The following RIMBP2 variants were observed in gnomAD, a reference collection of about 807,000 sequenced individuals.
The protein encoded by RIMBP2 is RIMS-binding protein 2.
RIMBP2 carries 48 observed loss-of-function variants against 118.6 expected under a neutral mutation model. The ratio of observed to expected loss-of-function variants is 0.40; its 90% CI spans 0.32 to 0.51. The LOEUF (loss-of-function observed/expected upper bound fraction) is 0.51. Ranked by LOEUF, RIMBP2 falls within the 20% of genes least tolerant of loss-of-function variation. The pLI is 0.41. For missense variants in RIMBP2, 1,551 were observed against 1,768.3 expected (o/e 0.88, Z 2.20); for synonymous variants, 762 against 742.9 (o/e 1.03, Z -0.42).
At chr12:130,642,610 A>C (rs1473041449) in intron 1 of RIMBP2, among the ~76,000 whole-genome samples, 5 of 152,222 alleles carry the variant, frequency 3.3e-5, no homozygotes, top group Non-Finnish European at 5.9e-5. Flanking sequence ...AAGTCAGACT[A>C]TCCGACTAGG....
chr12:130,678,351 C>T (rs1196624587), intron 1 of RIMBP2, among the ~76,000 whole-genome samples: 2 of 152,202 alleles, frequency 1.3e-5, no homozygotes, highest in African/African-American at 2.4e-5. Context: ...CTGAAGCATC[C>T]GTCAGCGGAT....
chr12:130,498,633 C>A (rs373160840), intron 4 of RIMBP2, among the ~76,000 whole-genome samples: 276 of 115,556 alleles, frequency 2.4e-3, no homozygotes, highest in Middle Eastern at 0.017. Flanking sequence ...AAACAGCATT[C>A]AAAAAAAAAA....
chr12:130,480,679 C>CA (rs1380713261), intron 4 of RIMBP2, among the ~76,000 whole-genome samples: 3 of 151,932 alleles, frequency 2.0e-5, no homozygotes, highest in Non-Finnish European at 2.9e-5. Context: ...TGGCTCACTG[C>CA]AGCCTCCACC....
Position 130,442,727 on chromosome 12 carries a change from C to T in RIMBP2, c.692-67G>A, listed in dbSNP as rs1031919876. 2.1e-5 allele frequency: 28 copies of T among 1,316,014 alleles called. No individual in the cohort carries two copies. Among genetic ancestry groups the T allele is most frequent in the Non-Finnish European group, 2.7e-5 (26 of 945,550 alleles). The allele number at this position is 1,316,014 out of a possible 1,614,324, so 81.5% of individuals were successfully genotyped here. A position where few individuals can be genotyped will look rare whatever the true frequency, so the allele number is the denominator to read the frequency against. On this transcript the variant is annotated intron_variant, in intron 10 of 22. Coordinates refer to ENST00000690449, the MANE Select transcript of RIMBP2 (RefSeq NM_001393629.1). The surrounding 1 kb of genome is among the most constrained non-coding windows in gnomAD (Gnocchi z 6.9). ...CAGGGGCCTCGAGGCCCCCAGTGTA[C>T]TCCCACCTCCCCCACCAGGACCATA...
At position 130,552,395 on chromosome 12, in the gene RIMBP2, A is replaced by T. The variant is rs764282124; in HGVS notation, c.-216-34478T>A. On this transcript the variant is annotated intron_variant, in intron 2 of 22. Coordinates refer to ENST00000690449, the MANE Select transcript of RIMBP2 (RefSeq NM_001393629.1). ...GTAAATAAATTTATAAAAGAAAATT[A>T]GTGCATTAATATCTTTTTCAAGACA... Among the ~76,000 whole-genome samples the T allele has an allele frequency of 7.2e-5, 11 of 152,270 alleles. No homozygotes were observed. The East Asian group carries it at 1.3e-3, about 19-fold the overall frequency.
chr12:130,462,471 A>C (rs1390334801), intron 6 of RIMBP2, among the ~76,000 whole-genome samples: 1 of 152,168 alleles, frequency 6.6e-6, no homozygotes, highest in Non-Finnish European at 1.5e-5. Context: ...GACCATAAGC[A>C]TAAGGGATGG....
rs573978678 is a variant in RIMBP2 at position 130,413,992 on chromosome 12, T to G, written c.3420+133A>C. ...CTTGCCGTCACAGCACCATGCCACC[T>G]CCTCCCGTGCCTCGCCCATGGCCTG... On this transcript the variant is annotated intron_variant, in intron 18 of 22. Transcript: ENST00000690449. 1.6e-4 allele frequency: 155 copies of G among 947,022 alleles called. No individual in the cohort carries two copies. In the African/African-American group the frequency reaches 2.4e-3, roughly 15 times the overall value. 58.7% of individuals were successfully genotyped at this position (947,022 alleles called of 1,614,324 possible). A position where few individuals can be genotyped will look rare whatever the true frequency, so the allele number is the denominator to read the frequency against.
chr12:130,546,933 G>A (rs1393767927), intron 2 of RIMBP2, among the ~76,000 whole-genome samples: 1 of 152,180 alleles, frequency 6.6e-6, no homozygotes, highest in Non-Finnish European at 1.5e-5. Flanking sequence ...GGCCCTGTGA[G>A]ATGACTCCTC....
chr12:130,404,034 T>A (rs568765208), intron 21 of RIMBP2, among the ~76,000 whole-genome samples: 1 of 152,224 alleles, frequency 6.6e-6, no homozygotes, highest in Non-Finnish European at 1.5e-5. Flanking sequence ...GATTTCCTTA[T>A]CTCTGTTATT....
At chr12:130,454,019 A>C (rs1162794446) in intron 7 of RIMBP2, among the ~76,000 whole-genome samples, 1 of 152,126 alleles carries the variant, frequency 6.6e-6, no homozygotes, top group Admixed American at 6.5e-5. Context: ...ACACCATTGC[A>C]CTCCAGCCTG....
In RIMBP2 at chr12:130,620,370, G is replaced by A. The variant is rs780486071; in HGVS notation, c.-217+7952C>T. 1.1e-4 allele frequency among the ~76,000 whole-genome samples: 17 copies of A among 152,124 alleles called. No individual in the cohort carries two copies. The highest frequency in any genetic ancestry group is 2.1e-4 in the South Asian group (1 of 4,820). On this transcript the variant is annotated intron_variant, in intron 2 of 22. Coordinates refer to ENST00000690449, the MANE Select transcript of RIMBP2 (RefSeq NM_001393629.1). The surrounding 1 kb of genome is among the most constrained non-coding windows in gnomAD (Gnocchi z 5.3). Reference sequence around the variant, plus strand: ...TGAGGCTCCCAATCCCTGATGCTTCGCTGGCCCTCGCCATTGGTCCTTCTA... The same window carrying A: ...TGAGGCTCCCAATCCCTGATGCTTCACTGGCCCTCGCCATTGGTCCTTCTA...
At position 130,622,033 on chromosome 12, in the gene RIMBP2, A is replaced by G. The variant is rs1402286097; in HGVS notation, c.-217+6289T>C. Among the ~76,000 whole-genome samples, 1 of 152,274 alleles carries G rather than the reference A, an allele frequency of 6.6e-6. No individual in the cohort carries two copies. Among genetic ancestry groups the G allele is most frequent in the African/African-American group, 2.4e-5 (1 of 41,482 alleles). On this transcript the variant is annotated intron_variant, in intron 2 of 22. Transcript: ENST00000690449. The surrounding 1 kb of genome is among the most constrained non-coding windows in gnomAD (Gnocchi z 8.5). ...AACAAAATGAAACCAACAAAATGGA[A>G]TTTAAAATACATAATTGCTTTAGTC...
chr12:130,586,183 G>A (rs568428617), intron 2 of RIMBP2, among the ~76,000 whole-genome samples: 16 of 152,280 alleles, frequency 1.1e-4, no homozygotes, highest in South Asian at 2.1e-4. Flanking sequence ...AGGCCAGGGC[G>A]GTGGCTCACG....
chr12:130,637,738 A>G (rs1345565507), intron 1 of RIMBP2, among the ~76,000 whole-genome samples: 2 of 152,170 alleles, frequency 1.3e-5, no homozygotes, highest in African/African-American at 4.8e-5. Context: ...TCCTTCTGCT[A>G]ACAATGTCCT....
intron 4 of RIMBP2, among the ~76,000 whole-genome samples, chr12:130,488,165 T>A (rs951725023): frequency 9.2e-5 from 14 of 152,090 alleles, no homozygotes; most frequent in African/African-American, 3.4e-4. Flanking sequence ...TACCAAAGAT[T>A]CCACATTTCA....
At chr12:130,598,905 C>A (rs555861280) in intron 2 of RIMBP2, among the ~76,000 whole-genome samples, 1 of 152,240 alleles carries the variant, frequency 6.6e-6, no homozygotes, top group South Asian at 2.1e-4. Flanking sequence ...TTGATGGGGT[C>A]TATGTCACTC....
chr12:130,422,628 C>A lies in RIMBP2; in HGVS notation c.3130-67G>T. ...TTGGGAACTGAAGAATTCAGTTAGC[C>A]AAATCAAGCGGGTTGAAAAGCAGAA... On this transcript the variant is annotated intron_variant, in intron 16 of 22. Transcript: ENST00000690449. This position sits in a 1 kb window ranked among gnomAD's most constrained non-coding sequence, Gnocchi z 5.2. The A allele has an allele frequency of 8.6e-7, 1 of 1,160,364 alleles. No homozygotes were observed. The highest frequency in any genetic ancestry group is 1.2e-6 in the Non-Finnish European group (1 of 800,368). The allele number at this position is 1,160,364 out of a possible 1,614,324, so 71.9% of individuals were successfully genotyped here.
chr12:130,542,358 T>A (rs898914934), intron 2 of RIMBP2, among the ~76,000 whole-genome samples: 1 of 152,142 alleles, frequency 6.6e-6, no homozygotes. Flanking sequence ...CCATAGGACA[T>A]CAAATCTAGT....
chr12:130,542,326 G>T (rs896777561), intron 2 of RIMBP2, among the ~76,000 whole-genome samples: 1 of 152,144 alleles, frequency 6.6e-6, no homozygotes, highest in Non-Finnish European at 1.5e-5. Flanking sequence ...TGGGTGAGAG[G>T]ACCCCTACAT....
Sources: gnomAD v4.1 joint callset for allele counts (sites outside exome capture counted in the v4.1 genomes callset) on GRCh38, gnomAD v4.1.1 for gene constraint, Gnocchi (gnomAD v3.1) non-coding constraint, MANE v1.5 for transcripts, NCBI Gene and HGNC (gene_info 2026-07-23, HGNC 2026-07-21) for gene names.